The following MACROD2 variants were observed in gnomAD, a reference collection of about 807,000 sequenced individuals.
The protein encoded by MACROD2 is mono-ADP ribosylhydrolase 2, also known as ADP-ribose glycohydrolase MACROD2.
MACROD2 carries 36 observed loss-of-function variants against 70.4 expected under a neutral mutation model. The observed-to-expected ratio is 0.51, with a 90% CI of 0.39 to 0.68. The LOEUF (loss-of-function observed/expected upper bound fraction) is 0.68, where lower values mean the gene tolerates loss of function less well. Among genes scored for constraint, MACROD2 ranks in the 30% least tolerant of loss-of-function variants. The probability of loss-of-function intolerance (pLI) is 0.00; values close to 1 mark genes in which losing one functional copy is unlikely to be tolerated. For synonymous variants in MACROD2, 172 were observed against 178.8 expected (o/e 0.96, Z 0.30); for missense variants, 496 against 538.4 (o/e 0.92, Z 0.78).
chr20:15,826,380 C>T (rs902991269), intron 8 of MACROD2, among the ~76,000 whole-genome samples: 3 of 152,180 alleles, frequency 2.0e-5, no homozygotes, highest in African/African-American at 7.2e-5. Flanking sequence ...GTGCTAAGTT[C>T]TACTGCATAT....
At chr20:14,838,678 A>T (rs1393556713) in intron 5 of MACROD2, among the ~76,000 whole-genome samples, 6 of 152,170 alleles carry the variant, frequency 3.9e-5, no homozygotes. Context: ...AAGCTGTTTC[A>T]CATCTTTGGA....
chr20:15,361,029 G>A (rs951008752), intron 6 of MACROD2, among the ~76,000 whole-genome samples: 17 of 150,616 alleles, frequency 1.1e-4, no homozygotes, highest in Admixed American at 4.7e-4. Context: ...TCTTTTAATA[G>A]GGTCTTTCAC....
intron 8 of MACROD2, among the ~76,000 whole-genome samples, chr20:15,645,407 G>A (rs577707997): frequency 5.5e-4 from 84 of 152,280 alleles, no homozygotes; most frequent in Non-Finnish European, 8.8e-4. Flanking sequence ...CTGAGCTTTT[G>A]CAGGAACTCT....
chr20:14,651,077 G>T (rs1325791296), intron 4 of MACROD2, among the ~76,000 whole-genome samples: 1 of 152,160 alleles, frequency 6.6e-6, no homozygotes, highest in Non-Finnish European at 1.5e-5. Context: ...GTCCAAAACA[G>T]GGTTCTAGGA....
chr20:14,362,560 C>A (rs947679117), intron 3 of MACROD2, among the ~76,000 whole-genome samples: 1 of 152,090 alleles, frequency 6.6e-6, no homozygotes, highest in African/African-American at 2.4e-5. Flanking sequence ...ATTTCACAGC[C>A]CCAAGTTAAC....
Position 15,152,844 on chromosome 20 carries a change from G to C in MACROD2, c.419-77096G>C, listed in dbSNP as rs533526995. On this transcript the variant is annotated intron_variant, in intron 5 of 17. Coordinates refer to ENST00000684519, the MANE Select transcript of MACROD2 (RefSeq NM_001351661.2). The stretch of plus-strand genomic sequence containing the variant: ...TCCATGACTGGCACTGGAGTTTTGG[G>C]TCCACGGATAAAACGTGTCTCCTTT... Among the ~76,000 whole-genome samples the C allele has an allele frequency of 2.6e-5, 4 of 152,162 alleles. No homozygotes were observed. In the South Asian group the frequency reaches 8.3e-4, roughly 32 times the overall value.
chr20:14,000,915 C>A (rs542569783), intron 1 of MACROD2, among the ~76,000 whole-genome samples: 12 of 152,322 alleles, frequency 7.9e-5, no homozygotes, highest in African/African-American at 2.9e-4. Flanking sequence ...GGCCATTCCT[C>A]TTCTCATACC....
At chr20:16,031,359 G>T (rs183434101) in intron 15 of MACROD2, among the ~76,000 whole-genome samples, 1 of 152,032 alleles carries the variant, frequency 6.6e-6, no homozygotes, top group Non-Finnish European at 1.5e-5. Flanking sequence ...AATCATTATC[G>T]TTATCATTAT....
intron 6 of MACROD2, among the ~76,000 whole-genome samples, chr20:15,324,578 C>G (rs1188681156): frequency 6.6e-6 from 1 of 152,140 alleles, no homozygotes; most frequent in Non-Finnish European, 1.5e-5. Flanking sequence ...AACTGATGGC[C>G]CAGATAGCAA....
chr20:14,962,701 T>G (rs2122771081), intron 5 of MACROD2, among the ~76,000 whole-genome samples: 1 of 152,098 alleles, frequency 6.6e-6, no homozygotes, highest in Non-Finnish European at 1.5e-5. Context: ...CTTATCTTTC[T>G]TATTCTCTTC....
chr20:14,025,121 T>C (rs768707911), intron 2 of MACROD2, among the ~76,000 whole-genome samples: 2 of 152,220 alleles, frequency 1.3e-5, no homozygotes, highest in African/African-American at 4.8e-5. Flanking sequence ...TCTAGGAATT[T>C]CTCCATTTCT....
intron 5 of MACROD2, among the ~76,000 whole-genome samples, chr20:15,027,664 C>T (rs2075243051): frequency 6.7e-6 from 1 of 148,758 alleles, no homozygotes; most frequent in South Asian, 2.1e-4. Context: ...TGCTGGAGCC[C>T]AGGAGTTCAA....
chr20:15,152,656 G>A (rs1361517661), intron 5 of MACROD2, among the ~76,000 whole-genome samples: 4 of 151,836 alleles, frequency 2.6e-5, no homozygotes, highest in East Asian at 3.9e-4. Flanking sequence ...ACAGAGAAGG[G>A]GTTGGGGTTC....
intron 5 of MACROD2, among the ~76,000 whole-genome samples, chr20:14,732,891 T>C (rs892498299): frequency 2.6e-5 from 4 of 152,136 alleles, no homozygotes; most frequent in Non-Finnish European, 5.9e-5. Context: ...TAACTCCCTC[T>C]TTGAAGAAGA....
intron 3 of MACROD2, among the ~76,000 whole-genome samples, chr20:14,477,158 T>C (rs2084604081): frequency 6.6e-6 from 1 of 152,098 alleles, no homozygotes; most frequent in South Asian, 2.1e-4. Context: ...TAGTTAAGCA[T>C]AGTAGGAGTT....
chr20:15,379,022 A>C (rs893931553), intron 6 of MACROD2, among the ~76,000 whole-genome samples: 6 of 152,106 alleles, frequency 3.9e-5, no homozygotes, highest in Non-Finnish European at 7.3e-5. Context: ...ATTAAAGGAA[A>C]CCCCTTATAC....
At chr20:14,453,737 C>T (rs6079449) in intron 3 of MACROD2, among the ~76,000 whole-genome samples, 1 of 152,006 alleles carries the variant, frequency 6.6e-6, no homozygotes, top group African/African-American at 2.4e-5. Flanking sequence ...GATCCACTAC[C>T]TAAAGAATGC....
intron 4 of MACROD2, among the ~76,000 whole-genome samples, chr20:14,514,099 T>C (rs1267707624): frequency 6.6e-6 from 1 of 152,098 alleles, no homozygotes; most frequent in Non-Finnish European, 1.5e-5. Flanking sequence ...TCTGTCACTT[T>C]CTGAACCAAA....
intron 4 of MACROD2, among the ~76,000 whole-genome samples, chr20:14,634,337 T>C (rs1984670199): frequency 6.6e-6 from 1 of 152,248 alleles, no homozygotes; most frequent in African/African-American, 2.4e-5. Flanking sequence ...ATTTCTTCAG[T>C]GTTTTGCACA....
Sources: allele counts gnomAD v4.1 joint callset (sites outside exome capture counted in the v4.1 genomes callset), GRCh38; gene constraint gnomAD v4.1.1; transcripts MANE v1.5; gene names NCBI Gene and HGNC (gene_info 2026-07-23, HGNC 2026-07-21).